NEGR1: variants seen among roughly 807,000 people sequenced by gnomAD.
NEGR1 encodes the protein neuronal growth regulator 1.
In NEGR1, 10 loss-of-function variants were observed where a neutral mutation model predicts 40.9. The observed-to-expected ratio is 0.24, with a 90% CI of 0.15 to 0.42. NEGR1 has a LOEUF of 0.42. Among genes scored for constraint, NEGR1 ranks in the 10% least tolerant of loss-of-function variants. The pLI is 1.00. For synonymous variants in NEGR1, 185 were observed against 166.8 expected (o/e 1.11, Z -0.84); for missense variants, 352 against 438.9 (o/e 0.80, Z 1.77).
chr1:71,675,476 T>A (rs1264822653), intron 4 of NEGR1, among the ~76,000 whole-genome samples: 2 of 151,782 alleles, frequency 1.3e-5, no homozygotes, highest in Admixed American at 1.3e-4. Context: ...TATATCTATA[T>A]ATCTATATGT....
At chr1:71,799,270 C>A (rs533070262) in intron 2 of NEGR1, among the ~76,000 whole-genome samples, 1 of 152,128 alleles carries the variant, frequency 6.6e-6, no homozygotes, top group African/African-American at 2.4e-5. Flanking sequence ...GTTCAACTCC[C>A]ACTTATGAGG....
chr1:71,901,109 T>G (rs1046924705), intron 2 of NEGR1, among the ~76,000 whole-genome samples: 2 of 152,206 alleles, frequency 1.3e-5, no homozygotes, highest in Non-Finnish European at 2.9e-5. Flanking sequence ...CTGTGATTTG[T>G]TGAAGTGTCA....
intron 2 of NEGR1, among the ~76,000 whole-genome samples, chr1:71,896,165 A>G (rs111370468): frequency 0.043 from 6,456 of 151,472 alleles, 453 homozygotes; most frequent in African/African-American, 0.15. Flanking sequence ...AGCCTCTGGA[A>G]TAGCTGGGAT....
chr1:72,079,688 C>T (rs1647905235), intron 1 of NEGR1, among the ~76,000 whole-genome samples: 1 of 151,852 alleles, frequency 6.6e-6, no homozygotes, highest in South Asian at 2.1e-4. Flanking sequence ...CTTTTAAATT[C>T]AGAGGAATTA....
chr1:71,668,021 C>CT (rs933733816), intron 4 of NEGR1, among the ~76,000 whole-genome samples: 3 of 151,948 alleles, frequency 2.0e-5, no homozygotes, highest in African/African-American at 7.3e-5. Context: ...TGTTTTTTCC[C>CT]TTTTTTGCCA....
In NEGR1 at chr1:72,107,719, A is replaced by C. The variant is rs562441303; in HGVS notation, c.177-172408T>G. ...GACTATGTAGAATGACACAGACTTAAGTGTATATATGTACATATATATGTA... is the reference window on the plus strand; with the variant it reads ...GACTATGTAGAATGACACAGACTTACGTGTATATATGTACATATATATGTA... On this transcript the variant is annotated intron_variant, in intron 1 of 6. Transcript: ENST00000357731. Among the ~76,000 whole-genome samples, 17 of 151,524 alleles carry C rather than the reference A, an allele frequency of 1.1e-4. No homozygotes were observed. The South Asian group carries it at 3.3e-3, about 30-fold the overall frequency.
At chr1:72,117,953 C>T (rs1464806895) in intron 1 of NEGR1, among the ~76,000 whole-genome samples, 2 of 151,778 alleles carry the variant, frequency 1.3e-5, no homozygotes, top group African/African-American at 4.8e-5. Flanking sequence ...GCTACTCACT[C>T]TAGAAAGTCA....
intron 1 of NEGR1, among the ~76,000 whole-genome samples, chr1:72,171,947 T>A (rs1357956090): frequency 6.6e-6 from 1 of 152,192 alleles, no homozygotes; most frequent in Admixed American, 6.5e-5. Context: ...AATTAAAGTT[T>A]TGTAATGTCA....
intron 3 of NEGR1, among the ~76,000 whole-genome samples, chr1:71,722,654 TCTTTA>T (rs1364393113): frequency 1.3e-5 from 2 of 152,246 alleles, no homozygotes; most frequent in African/African-American, 4.8e-5. Context: ...TTGCTTTATT[TCTTTA>T]CTTAGCTACA....
chr1:72,105,711 C>T (rs1047886414), intron 1 of NEGR1, among the ~76,000 whole-genome samples: 1 of 151,910 alleles, frequency 6.6e-6, no homozygotes, highest in African/African-American at 2.4e-5. Flanking sequence ...GATGCAATCA[C>T]ACAAGTAATG....
rs1334974627 is a variant in NEGR1, at chr1:71,670,579, G to A, written c.667+27429C>T. On this transcript the variant is annotated intron_variant, in intron 4 of 6. Coordinates refer to ENST00000357731, the MANE Select transcript of NEGR1 (RefSeq NM_173808.3). ...AGTTTTTTACTTTTTTTTTTGAGAT[G>A]GGGGTCTCACTCTGTTGTCCACACA... is the stretch of plus-strand genomic sequence containing the variant. Among the ~76,000 whole-genome samples, 5 of 151,076 alleles carry A rather than the reference G, an allele frequency of 3.3e-5. No individual in the cohort carries two copies. In the South Asian group the frequency reaches 1.0e-3, roughly 31 times the overall value.
chr1:71,987,440 G>A (rs972094118), intron 1 of NEGR1, among the ~76,000 whole-genome samples: 1 of 152,174 alleles, frequency 6.6e-6, no homozygotes, highest in African/African-American at 2.4e-5. Context: ...AGGTGAAGGG[G>A]GAGACAGTGC....
intron 6 of NEGR1, among the ~76,000 whole-genome samples, chr1:71,575,643 C>T (rs1165980187): frequency 6.6e-6 from 1 of 152,032 alleles, no homozygotes; most frequent in African/African-American, 2.4e-5. Flanking sequence ...ATTAGCTGGG[C>T]ATGGTGGCGG....
At chr1:71,947,884 T>C (rs1646035663) in intron 1 of NEGR1, among the ~76,000 whole-genome samples, 1 of 152,194 alleles carries the variant, frequency 6.6e-6, no homozygotes, top group South Asian at 2.1e-4. Context: ...ATGTCTAAGA[T>C]GCTGTATTTG....
At chr1:72,159,067 C>G (rs1231296529) in intron 1 of NEGR1, among the ~76,000 whole-genome samples, 1 of 152,112 alleles carries the variant, frequency 6.6e-6, no homozygotes, top group Admixed American at 6.6e-5. Flanking sequence ...AATTTGTGTA[C>G]TAGATCCTAC....
chr1:71,677,044 C>T (rs918212045), intron 4 of NEGR1, among the ~76,000 whole-genome samples: 1 of 152,152 alleles, frequency 6.6e-6, no homozygotes, highest in Non-Finnish European at 1.5e-5. Context: ...TCATTTATTT[C>T]ATCTGTGAAA....
At chr1:71,806,378 C>T (rs1657771344) in intron 2 of NEGR1, among the ~76,000 whole-genome samples, 1 of 151,836 alleles carries the variant, frequency 6.6e-6, no homozygotes, top group African/African-American at 2.4e-5. Flanking sequence ...AAGTGTAAAG[C>T]CCTATGATAA....
At chr1:71,966,661 T>G (rs1308721416) in intron 1 of NEGR1, among the ~76,000 whole-genome samples, 1 of 152,154 alleles carries the variant, frequency 6.6e-6, no homozygotes, top group East Asian at 1.9e-4. Context: ...GCATAGAAGA[T>G]CTCAAACTGA....
At chr1:71,830,234 A>G (rs1658790723) in intron 2 of NEGR1, among the ~76,000 whole-genome samples, 1 of 151,926 alleles carries the variant, frequency 6.6e-6, no homozygotes, top group Non-Finnish European at 1.5e-5. Flanking sequence ...TTATTATTTC[A>G]TTCATTCATA....
Sources: allele counts gnomAD v4.1 joint callset (sites outside exome capture counted in the v4.1 genomes callset), GRCh38; gene constraint gnomAD v4.1.1; transcripts MANE v1.5; gene names NCBI Gene and HGNC (gene_info 2026-07-23, HGNC 2026-07-21).